The following TASP1 variants were observed in gnomAD, a reference collection of about 807,000 sequenced individuals.
TASP1 encodes threonine aspartase 1.
In TASP1, 16 loss-of-function variants were observed where a neutral mutation model predicts 56.6. The observed-to-expected ratio is 0.28, with a 90% CI of 0.19 to 0.43. TASP1 has a LOEUF of 0.43. Ranked by LOEUF, TASP1 falls within the 20% of genes least tolerant of loss-of-function variation. TASP1 has a pLI of 1.00. For synonymous variants in TASP1, 179 were observed against 184.2 expected (o/e 0.97, Z 0.23); for missense variants, 393 against 511.6 (o/e 0.77, Z 2.24).
chr20:13,603,730 T>A (rs2048045867), intron 4 of TASP1, among the ~76,000 whole-genome samples: 1 of 152,204 alleles, frequency 6.6e-6, no homozygotes, highest in African/African-American at 2.4e-5. Context: ...AAATAACACA[T>A]GAAAACATGC....
chr20:13,146,277 G>A, the TASP1 span, among the ~76,000 whole-genome samples: 1 of 152,118 alleles, frequency 6.6e-6, no homozygotes, highest in Non-Finnish European at 1.5e-5. Flanking sequence ...ATCTGCTTGA[G>A]GGAGGAGGGT....
chr20:13,441,825 G>A (rs1337014596), intron 11 of TASP1, among the ~76,000 whole-genome samples: 1 of 152,166 alleles, frequency 6.6e-6, no homozygotes, highest in Non-Finnish European at 1.5e-5. Context: ...AATATATTCT[G>A]CAAGTAGAAC....
At chr20:13,163,978 T>G in the TASP1 span, among the ~76,000 whole-genome samples, 1 of 152,168 alleles carries the variant, frequency 6.6e-6, no homozygotes, top group Non-Finnish European at 1.5e-5. Flanking sequence ...TATGTATACA[T>G]GTGCCATGTT....
At chr20:13,364,297 G>A in the TASP1 span, among the ~76,000 whole-genome samples, 2 of 152,180 alleles carry the variant, frequency 1.3e-5, no homozygotes, top group Admixed American at 6.5e-5. Context: ...GTTTGATGAT[G>A]AGAAATGAAG....
At chr20:13,162,509 A>G in the TASP1 span, among the ~76,000 whole-genome samples, 2 of 152,178 alleles carry the variant, frequency 1.3e-5, no homozygotes, top group Non-Finnish European at 2.9e-5. Context: ...GAAAATGGAA[A>G]ATGACCCTGA....
intron 12 of TASP1, among the ~76,000 whole-genome samples, chr20:13,423,281 AAAC>A (rs1204716797): frequency 1.3e-5 from 2 of 152,170 alleles, no homozygotes; most frequent in African/African-American, 2.4e-5. Flanking sequence ...AAATCAAAAC[AAAC>A]AACAACAAAA....
the TASP1 span, among the ~76,000 whole-genome samples, chr20:13,272,289 G>T: frequency 6.6e-6 from 1 of 152,300 alleles, no homozygotes; most frequent in Non-Finnish European, 1.5e-5. Flanking sequence ...TCGTTGACCT[G>T]AGTTGTTTTG....
chr20:13,266,666 T>G, the TASP1 span, among the ~76,000 whole-genome samples: 6 of 152,208 alleles, frequency 3.9e-5, no homozygotes, highest in Non-Finnish European at 8.8e-5. Context: ...TCACTTTAAC[T>G]GGGGCAGAAT....
At chr20:13,289,563 T>C in the TASP1 span, among the ~76,000 whole-genome samples, 1 of 152,128 alleles carries the variant, frequency 6.6e-6, no homozygotes, top group East Asian at 1.9e-4. Flanking sequence ...GCTCGAGACC[T>C]GTTTTTGTGT....
the TASP1 span, among the ~76,000 whole-genome samples, chr20:13,319,738 C>A: frequency 1.3e-5 from 2 of 152,188 alleles, no homozygotes; most frequent in African/African-American, 4.8e-5. Context: ...ACCCCCTCCC[C>A]CCTGCACACA....
At chr20:13,469,243 G>C (rs1460655236) in intron 11 of TASP1, among the ~76,000 whole-genome samples, 2 of 151,928 alleles carry the variant, frequency 1.3e-5, no homozygotes, top group Non-Finnish European at 2.9e-5. Context: ...TTTTTGGTTT[G>C]GTTCCCCAAA....
the TASP1 span, among the ~76,000 whole-genome samples, chr20:13,141,410 TAA>T: frequency 6.6e-6 from 1 of 152,084 alleles, no homozygotes; most frequent in African/African-American, 2.4e-5. Context: ...ACACTTGGTT[TAA>T]AAAAAATCTT....
intron 11 of TASP1, among the ~76,000 whole-genome samples, chr20:13,473,844 AG>A (rs2044616357): frequency 6.6e-6 from 1 of 152,184 alleles, no homozygotes; most frequent in East Asian, 1.9e-4. Context: ...AGGTAAAAGC[AG>A]GAGGATTACT....
the TASP1 span, among the ~76,000 whole-genome samples, chr20:13,335,882 GACAA>G: frequency 3.9e-5 from 6 of 152,020 alleles, no homozygotes; most frequent in African/African-American, 1.2e-4. Flanking sequence ...AGAACAGGGA[GACAA>G]ACAGAGAGAG....
chr20:13,453,009 A>G (rs2043680947), intron 11 of TASP1, among the ~76,000 whole-genome samples: 2 of 152,124 alleles, frequency 1.3e-5, no homozygotes, highest in South Asian at 2.1e-4. Context: ...AAAAGAGCCA[A>G]CTGGGTTTAG....
At chr20:13,183,161 C>T in the TASP1 span, among the ~76,000 whole-genome samples, 3 of 152,130 alleles carry the variant, frequency 2.0e-5, no homozygotes, top group Non-Finnish European at 4.4e-5. Context: ...ACCCTGAGAC[C>T]ACCATGTGAA....
At chr20:13,421,105 CTTCT>C (rs1204628016) in intron 12 of TASP1, among the ~76,000 whole-genome samples, 9 of 138,348 alleles carry the variant, frequency 6.5e-5, no homozygotes, top group Admixed American at 3.1e-4. Context: ...TAGCGTTTTC[CTTCT>C]TTTTTTTTTT....
At chr20:13,432,066 A>G (rs1262100414) in intron 12 of TASP1, among the ~76,000 whole-genome samples, 1 of 152,236 alleles carries the variant, frequency 6.6e-6, no homozygotes, top group East Asian at 1.9e-4. Context: ...GAAACAGACT[A>G]ACAGAAAACA....
At chr20:13,329,727 G>GT in the TASP1 span, among the ~76,000 whole-genome samples, 31 of 148,322 alleles carry the variant, frequency 2.1e-4, no homozygotes, top group Middle Eastern at 6.9e-3. Flanking sequence ...AATAGAGACA[G>GT]TTTTTTTTTT....
Sources: gnomAD v4.1 joint callset for allele counts (sites outside exome capture counted in the v4.1 genomes callset) on GRCh38, gnomAD v4.1.1 for gene constraint, MANE v1.5 for transcripts, NCBI Gene and HGNC (gene_info 2026-07-23, HGNC 2026-07-21) for gene names.